MTMR3: variants seen among roughly 807,000 people sequenced by gnomAD.
MTMR3 encodes phosphatidylinositol-3,5-bisphosphate 3-phosphatase MTMR3.
Under a neutral mutation model 132.4 loss-of-function variants are expected in MTMR3, and 32 were observed. That is an observed-to-expected ratio of 0.24 (90% CI 0.18 to 0.32). The LOEUF (loss-of-function observed/expected upper bound fraction) is 0.32, where lower values mean the gene tolerates loss of function less well. Ranked by LOEUF, MTMR3 falls within the 10% of genes least tolerant of loss-of-function variation. The pLI is 1.00. For missense variants in MTMR3, 1,216 were observed against 1,489.6 expected (o/e 0.82, Z 3.02); for synonymous variants, 556 against 550.3 (o/e 1.01, Z -0.14).
chr22:29,913,346 T>C (rs1407373108), intron 1 of MTMR3, among the ~76,000 whole-genome samples: 1 of 152,212 alleles, frequency 6.6e-6, no homozygotes, highest in Non-Finnish European at 1.5e-5. Flanking sequence ...GTGATCTATA[T>C]CCCAAAACAT....
chr22:29,973,725 G>GAGT lies in MTMR3; in HGVS notation c.3+2666_3+2668dup, dbSNP rs1275919920. Among the ~76,000 whole-genome samples the GAGT allele has an allele frequency of 1.1e-4, 16 of 152,120 alleles. 2 individuals carry two copies. Among genetic ancestry groups the GAGT allele is most frequent in the Admixed American group, 1.0e-3 (16 of 15,268 alleles). On this transcript the variant is annotated intron_variant, in intron 3 of 19. Transcript: ENST00000401950. ...AGCGATTCTCCTGCCTCAGCCTCCTGAGTAGCTGAGATTACAGGCGCTTGC... is the reference window on the plus strand; with the variant it reads ...AGCGATTCTCCTGCCTCAGCCTCCTGAGTAGTAGCTGAGATTACAGGCGCTTGC...
At chr22:29,960,787 T>G (rs2066296003) in intron 2 of MTMR3, among the ~76,000 whole-genome samples, 1 of 152,216 alleles carries the variant, frequency 6.6e-6, no homozygotes, top group South Asian at 2.1e-4. Context: ...GCCATTGCTT[T>G]ACATTCCTGA....
intron 2 of MTMR3, among the ~76,000 whole-genome samples, chr22:29,962,068 C>G (rs916402974): frequency 6.6e-6 from 1 of 152,208 alleles, no homozygotes; most frequent in African/African-American, 2.4e-5. Flanking sequence ...TGATGCATTT[C>G]TCAAAACATG....
chr22:29,978,314 T>C, intron 3 of MTMR3, 128 bp from the exon 4 acceptor site: 1 of 621,078 alleles, frequency 1.6e-6, no homozygotes, highest in Non-Finnish European at 2.8e-6. Context: ...ATTGTTTCCT[T>C]GAGCTTTTCT....
rs745959788 is a variant in MTMR3, at chr22:30,010,450, GT to G, written c.1121+1322del. The G allele has an allele frequency of 2.6e-5, 4 of 152,346 alleles. 1 individual carries two copies. In the East Asian group the frequency reaches 7.7e-4, roughly 29 times the overall value. 9.4% of individuals were successfully genotyped at this position (152,346 alleles called of 1,614,324 possible). On this transcript the variant is annotated intron_variant, in intron 12 of 19. Transcript: ENST00000401950. ...CAGCAAATCATAATGCTGCACTGAA[GT>G]CTCCCTCATGGGTAAAAAGCAGCTG...
intron 17 of MTMR3, chr22:30,021,534 C>G (rs1008685437): frequency 1.9e-5 from 3 of 160,556 alleles, no homozygotes; most frequent in Non-Finnish European, 2.7e-5. Flanking sequence ...GCCTGGCTCT[C>G]AAGTGGTCAG....
chr22:29,887,340 A>G lies in MTMR3; in HGVS notation c.-138+3981A>G, dbSNP rs545855080. On this transcript the variant is annotated intron_variant, in intron 1 of 19. Transcript: ENST00000401950. ...GAAGAGCAACTTTTCTACTTTTCTA[A>G]CAGACTGTGGATCAAACAATAGTGT... Among the ~76,000 whole-genome samples the G allele has an allele frequency of 8.0e-4, 122 of 152,298 alleles. 1 individual carries two copies. Among genetic ancestry groups the G allele is most frequent in the African/African-American group, 2.9e-3 (119 of 41,558 alleles).
chr22:29,891,405 A>G lies in MTMR3; in HGVS notation c.-138+8046A>G, dbSNP rs1307352291. On this transcript the variant is annotated intron_variant, in intron 1 of 19. Transcript: ENST00000401950. ...CATAATATATAATATATATGTGTAT[A>G]TATAACATATATATATGTGTATGTA... 1.1e-4 allele frequency among the ~76,000 whole-genome samples: 16 copies of G among 140,792 alleles called. No individual in the cohort carries two copies. In the East Asian group the frequency reaches 2.8e-3, roughly 24 times the overall value. The allele number at this position is 140,792 out of a possible 152,430, so 92.4% of individuals were successfully genotyped here.
chr22:29,979,100 A>G, intron 5 of MTMR3, 48 bp downstream of exon 5: 8 of 1,311,968 alleles, frequency 6.1e-6, no homozygotes, highest in Non-Finnish European at 8.8e-6. Context: ...GGAGAAAGTA[A>G]GTCAAAAAAC....
At chr22:30,025,546 G>T (rs1169892570) in intron 19 of MTMR3, 84 bp from the exon 20 acceptor site, 2 of 1,437,012 alleles carry the variant, frequency 1.4e-6, no homozygotes, top group South Asian at 1.2e-5. Context: ...AATTACACAC[G>T]GCAAAGTTTG....
At chr22:29,910,919 T>C (rs534939678) in intron 1 of MTMR3, among the ~76,000 whole-genome samples, 32 of 152,344 alleles carry the variant, frequency 2.1e-4, no homozygotes, top group South Asian at 2.1e-3. Context: ...TTCTTAACTT[T>C]TATGTTTAGT....
chr22:29,995,259 CT>C (rs1168345088), intron 7 of MTMR3: 1 of 152,206 alleles, frequency 6.6e-6, no homozygotes, highest in Non-Finnish European at 1.5e-5. Context: ...TTACTGTGAC[CT>C]TTGTACATAG....
At chr22:29,974,686 A>G (rs2066597566) in intron 3 of MTMR3, among the ~76,000 whole-genome samples, 1 of 152,208 alleles carries the variant, frequency 6.6e-6, no homozygotes, top group South Asian at 2.1e-4. Flanking sequence ...AGCCTGCTAC[A>G]TTACTTCAGT....
chr22:29,933,730 T>G lies in MTMR3; in HGVS notation c.-137-23306T>G, dbSNP rs2065690499. On this transcript the variant is annotated intron_variant, in intron 1 of 19. Transcript: ENST00000401950. ...TAGTGTAAACCCAACAGAGCAGTTC[T>G]GTGTTTTTTTTTTTTTTTTTTTAGG... is the stretch of plus-strand genomic sequence containing the variant. 4.8e-5 allele frequency among the ~76,000 whole-genome samples: 7 copies of G among 146,020 alleles called. No individual in the cohort carries two copies. In the South Asian group the frequency reaches 1.5e-3, roughly 31 times the overall value.
At chr22:29,926,171 T>A (rs1295710685) in intron 1 of MTMR3, among the ~76,000 whole-genome samples, 1 of 152,198 alleles carries the variant, frequency 6.6e-6, no homozygotes, top group African/African-American at 2.4e-5. Flanking sequence ...CTGCTTTCAT[T>A]TAGCATGAAA....
Position 30,008,046 on chromosome 22 carries a change from T to G in MTMR3, c.1009+14T>G, listed in dbSNP as rs760859778. 3.1e-6 allele frequency: 5 copies of G among 1,610,390 alleles called. No individual in the cohort carries two copies. The highest frequency in any genetic ancestry group is 4.2e-6 in the Non-Finnish European group (5 of 1,178,518). On this transcript the variant is annotated intron_variant, in intron 11 of 19. Transcript: ENST00000401950. ...GCGAATGCCCAGGTGAGGTGTATGGTGCTTTGTTCCCCATACTTTCTCCTT... is the reference window on the plus strand; with the variant it reads ...GCGAATGCCCAGGTGAGGTGTATGGGGCTTTGTTCCCCATACTTTCTCCTT...
At chr22:30,023,087 C>G (rs1478109071) in intron 19 of MTMR3, 1 of 392,852 alleles carries the variant, frequency 2.5e-6, no homozygotes, top group Non-Finnish European at 4.7e-6. Flanking sequence ...GCTCCCTGAC[C>G]CCACACTTGT....
chr22:29,923,511 G>A (rs965240714), intron 1 of MTMR3, among the ~76,000 whole-genome samples: 7 of 152,120 alleles, frequency 4.6e-5, no homozygotes, highest in Non-Finnish European at 1.0e-4. Flanking sequence ...GCCAACTAGG[G>A]ATGTTGAGTA....
intron 6 of MTMR3, chr22:29,990,510 A>G (rs2066941114): frequency 6.6e-6 from 1 of 152,238 alleles, no homozygotes; most frequent in Admixed American, 6.5e-5. Flanking sequence ...TTAAGAAGGT[A>G]GTTGCTTATT....
Sources: gnomAD v4.1 joint callset for allele counts (sites outside exome capture counted in the v4.1 genomes callset) on GRCh38, gnomAD v4.1.1 for gene constraint, MANE v1.5 for transcripts, NCBI Gene and HGNC (gene_info 2026-07-23, HGNC 2026-07-21) for gene names.